Variants in KCTD16 observed in about 807,000 individuals in gnomAD.
KCTD16 encodes BTB/POZ domain-containing protein KCTD16.
Under a neutral mutation model 33.2 loss-of-function variants are expected in KCTD16, and 13 were observed. The observed-to-expected ratio is 0.39, with a 90% CI of 0.25 to 0.62. KCTD16 has a LOEUF of 0.62. Ranked by LOEUF, KCTD16 falls within the 20% of genes least tolerant of loss-of-function variation. The pLI is 0.50. For missense variants in KCTD16, 441 were observed against 525.1 expected (o/e 0.84, Z 1.57); for synonymous variants, 197 against 195.3 (o/e 1.01, Z -0.07).
At chr5:144,468,391 A>G (rs1025041230) in intron 3 of KCTD16, among the ~76,000 whole-genome samples, 1 of 152,142 alleles carries the variant, frequency 6.6e-6, no homozygotes, top group Non-Finnish European at 1.5e-5. Flanking sequence ...ACTCTGATGG[A>G]TGCGTGGCTA....
chr5:144,340,401 C>CAAAA (rs1208475292), intron 3 of KCTD16, among the ~76,000 whole-genome samples: 6 of 48,240 alleles, frequency 1.2e-4, no homozygotes, highest in African/African-American at 1.9e-4. Flanking sequence ...GACTCCATCT[C>CAAAA]AAAAAAAAAA....
intron 3 of KCTD16, among the ~76,000 whole-genome samples, chr5:144,254,434 A>G (rs1490190736): frequency 2.0e-5 from 3 of 152,172 alleles, no homozygotes; most frequent in East Asian, 3.9e-4. Flanking sequence ...GCATTTGAGA[A>G]TAAGCTGATC....
chr5:144,268,839 G>A (rs890061344), intron 3 of KCTD16, among the ~76,000 whole-genome samples: 6 of 151,912 alleles, frequency 3.9e-5, no homozygotes, highest in African/African-American at 9.7e-5. Context: ...GAAAGATGTT[G>A]GGAAACTCAA....
At chr5:144,423,575 A>G (rs542439061) in intron 3 of KCTD16, among the ~76,000 whole-genome samples, 27 of 152,266 alleles carry the variant, frequency 1.8e-4, no homozygotes, top group Middle Eastern at 3.4e-3. Context: ...GAGACCAGGG[A>G]TACTACTAAG....
At chr5:144,180,677 G>A (rs1752603684) in intron 2 of KCTD16, among the ~76,000 whole-genome samples, 1 of 152,184 alleles carries the variant, frequency 6.6e-6, no homozygotes, top group African/African-American at 2.4e-5. Flanking sequence ...GATGCTGGCT[G>A]CAGGTTGGGA....
chr5:144,373,244 A>C (rs1752009250), intron 3 of KCTD16, among the ~76,000 whole-genome samples: 2 of 152,222 alleles, frequency 1.3e-5, no homozygotes, highest in African/African-American at 4.8e-5. Context: ...ATCTTGCCCT[A>C]CTTTCTCCCA....
rs529134704 is a variant in KCTD16 at position 144,482,710 on chromosome 5, G to A, written c.*8596G>A. ...GTGTGAGTGTGTGTGTGTGAGGAGTGTGTGTATTTATGTGTGTTTTGTGTT... is the reference window on the plus strand; with the variant it reads ...GTGTGAGTGTGTGTGTGTGAGGAGTATGTGTATTTATGTGTGTTTTGTGTT... On this transcript the variant is annotated 3_prime_UTR_variant, in exon 4 of 4. Transcript: ENST00000512467. The A allele has an allele frequency of 7.2e-5, 11 of 151,820 alleles. No individual in the cohort carries two copies. The highest frequency in any genetic ancestry group is 7.2e-4 in the Admixed American group (11 of 15,224). The allele number at this position is 151,820 out of a possible 1,614,324, so 9.4% of individuals were successfully genotyped here.
chr5:144,364,837 C>A (rs996610902), intron 3 of KCTD16, among the ~76,000 whole-genome samples: 1 of 152,162 alleles, frequency 6.6e-6, no homozygotes, highest in East Asian at 1.9e-4. Context: ...TTATCAGAAG[C>A]TCTGCAGTCA....
At chr5:144,381,761 A>G (rs1470242875) in intron 3 of KCTD16, among the ~76,000 whole-genome samples, 1 of 152,210 alleles carries the variant, frequency 6.6e-6, no homozygotes, top group Non-Finnish European at 1.5e-5. Flanking sequence ...TGGAAATGAC[A>G]ATTCAACATG....
intron 3 of KCTD16, among the ~76,000 whole-genome samples, chr5:144,215,632 G>A (rs1440523015): frequency 6.6e-6 from 1 of 152,158 alleles, no homozygotes; most frequent in Non-Finnish European, 1.5e-5. Flanking sequence ...GATAACAATA[G>A]TACTTGCCAC....
chr5:144,299,623 C>A (rs1401530058), intron 3 of KCTD16, among the ~76,000 whole-genome samples: 2 of 151,852 alleles, frequency 1.3e-5, no homozygotes, highest in African/African-American at 2.4e-5. Flanking sequence ...TATCATGTAA[C>A]CTTATTGAAA....
chr5:144,366,666 C>T (rs1021512797), intron 3 of KCTD16, among the ~76,000 whole-genome samples: 1 of 152,106 alleles, frequency 6.6e-6, no homozygotes, highest in African/African-American at 2.4e-5. Context: ...GGGGTCTGCA[C>T]TATGTGTCCA....
chr5:144,316,595 C>T (rs1195846079), intron 3 of KCTD16, among the ~76,000 whole-genome samples: 3 of 150,626 alleles, frequency 2.0e-5, no homozygotes, highest in East Asian at 2.0e-4. Flanking sequence ...TCACTGCAAC[C>T]TCCACCTCCC....
At chr5:144,205,455 G>C in intron 2 of KCTD16, 2 of 398,680 alleles carry the variant, frequency 5.0e-6, no homozygotes, top group South Asian at 1.3e-4. Context: ...GGAGCCCCGG[G>C]CCCCCCGCCG....
intron 3 of KCTD16, among the ~76,000 whole-genome samples, chr5:144,254,493 TA>T (rs1383105090): frequency 6.6e-6 from 1 of 152,188 alleles, no homozygotes; most frequent in Non-Finnish European, 1.5e-5. Context: ...TGCTGTATTT[TA>T]TTGACTTACA....
intron 3 of KCTD16, among the ~76,000 whole-genome samples, chr5:144,341,337 G>T (rs1044782623): frequency 2.6e-5 from 4 of 152,096 alleles, no homozygotes; most frequent in Non-Finnish European, 2.9e-5. Flanking sequence ...CTCACTTGGG[G>T]AGAAACAGTG....
At chr5:144,203,724 A>G (rs1753096011) in intron 2 of KCTD16, among the ~76,000 whole-genome samples, 1 of 152,152 alleles carries the variant, frequency 6.6e-6, no homozygotes, top group African/African-American at 2.4e-5. Context: ...TTACTTTACA[A>G]CCAAAACCAG....
At chr5:144,214,511 C>T (rs1043364189) in intron 3 of KCTD16, among the ~76,000 whole-genome samples, 1 of 152,142 alleles carries the variant, frequency 6.6e-6, no homozygotes, top group African/African-American at 2.4e-5. Context: ...TTCTGCTTCC[C>T]TCCTCAGCCT....
At chr5:144,231,322 A>G (rs777452059) in intron 3 of KCTD16, among the ~76,000 whole-genome samples, 3 of 151,426 alleles carry the variant, frequency 2.0e-5, no homozygotes, top group Non-Finnish European at 2.9e-5. Flanking sequence ...GTGAGCACAT[A>G]CTCTCTATCA....
Sources: gnomAD v4.1 joint callset for allele counts (sites outside exome capture counted in the v4.1 genomes callset) on GRCh38, gnomAD v4.1.1 for gene constraint, MANE v1.5 for transcripts, NCBI Gene and HGNC (gene_info 2026-07-23, HGNC 2026-07-21) for gene names.